Variants in TACC2 observed in about 807,000 individuals in gnomAD.
The protein encoded by TACC2 is transforming acidic coiled-coil containing protein 2.
TACC2 carries 137 observed loss-of-function variants against 227.3 expected under a neutral mutation model. That is an observed-to-expected ratio of 0.60 (90% CI 0.52 to 0.69). TACC2 has a LOEUF of 0.69. Ranked by LOEUF, TACC2 falls within the 30% of genes least tolerant of loss-of-function variation. The pLI is 0.00. For synonymous variants in TACC2, 1,523 were observed against 1,487.5 expected (o/e 1.02, Z -0.55); for missense variants, 3,470 against 3,694.4 (o/e 0.94, Z 1.57).
chr10:122,162,615 C>G (rs2092888238), intron 7 of TACC2, among the ~76,000 whole-genome samples: 1 of 152,228 alleles, frequency 6.6e-6, no homozygotes, highest in African/African-American at 2.4e-5. Flanking sequence ...TGAACTCTTT[C>G]TGCAGCAGCC....
intron 11 of TACC2, among the ~76,000 whole-genome samples, chr10:122,221,612 G>A (rs1165926795): frequency 6.6e-6 from 1 of 152,112 alleles, no homozygotes; most frequent in African/African-American, 2.4e-5. Context: ...CAGCCTCCCT[G>A]TCTCTTTCCC....
chr10:122,113,827 GCGT>G lies in TACC2; in HGVS notation c.5574-18780_5574-18778del, dbSNP rs2084115370. On this transcript the variant is annotated intron_variant, in intron 5 of 22. Transcript: ENST00000369005. ...CCGGCGCAACACGTGACCCGCCCGA[GCGT>G]CCCCTCCGCGTCCTTGGCTCCCGCC... Among the ~76,000 whole-genome samples the G allele has an allele frequency of 2.8e-4, 42 of 152,368 alleles. No homozygotes were observed. In the South Asian group the frequency reaches 8.7e-3, roughly 32 times the overall value.
chr10:122,039,657 C>A (rs993473946), intron 2 of TACC2, among the ~76,000 whole-genome samples: 1 of 152,148 alleles, frequency 6.6e-6, no homozygotes, highest in East Asian at 1.9e-4. Flanking sequence ...CAGTTTATTT[C>A]GACAGTATTT....
chr10:122,109,899 A>G (rs1279286250), intron 5 of TACC2, among the ~76,000 whole-genome samples: 1 of 152,192 alleles, frequency 6.6e-6, no homozygotes, highest in African/African-American at 2.4e-5. Flanking sequence ...GGGTTTCAGC[A>G]TAAGTTCTCT....
intron 5 of TACC2, among the ~76,000 whole-genome samples, chr10:122,102,258 T>C (rs903847958): frequency 4.6e-5 from 7 of 152,102 alleles, no homozygotes; most frequent in African/African-American, 1.7e-4. Context: ...GATATGCGGG[T>C]GTAGCCTGGG....
chr10:122,215,347 C>A (rs768362961), intron 9 of TACC2, 44 bp from the exon 10 acceptor site: 4 of 1,569,212 alleles, frequency 2.5e-6, no homozygotes, highest in Non-Finnish European at 3.5e-6. Flanking sequence ...TGGAGTGTTC[C>A]GTCCCTCTGC....
chr10:122,108,551 T>C (rs1481651286), intron 5 of TACC2, among the ~76,000 whole-genome samples: 1 of 149,560 alleles, frequency 6.7e-6, no homozygotes, highest in African/African-American at 2.5e-5. Context: ...GTTCAAGTGA[T>C]TCTCCTACCT....
At chr10:122,058,494 C>T (rs1397538437) in intron 3 of TACC2, among the ~76,000 whole-genome samples, 6 of 152,146 alleles carry the variant, frequency 3.9e-5, no homozygotes. Context: ...CTGCAACCTC[C>T]ACCTCCCGGG....
intron 7 of TACC2, among the ~76,000 whole-genome samples, chr10:122,174,287 C>A (rs752964033): frequency 2.0e-5 from 3 of 152,216 alleles, no homozygotes; most frequent in Non-Finnish European, 4.4e-5. Flanking sequence ...AGCCAGCGAT[C>A]TCTGCTGTTA....
At chr10:122,163,959 C>T (rs765158678) in intron 7 of TACC2, 1 of 1,589,364 alleles carries the variant, frequency 6.3e-7, no homozygotes, top group South Asian at 1.2e-5. Context: ...CCAGCCCCAG[C>T]CAGCGACCTG....
intron 5 of TACC2, among the ~76,000 whole-genome samples, chr10:122,118,049 T>A (rs1369195855): frequency 6.6e-6 from 1 of 150,936 alleles, no homozygotes; most frequent in Non-Finnish European, 1.5e-5. Flanking sequence ...AGTCTTACTC[T>A]GTTGTCCGGG....
intron 18 of TACC2, among the ~76,000 whole-genome samples, chr10:122,239,435 C>G (rs531103786): frequency 6.6e-6 from 1 of 152,222 alleles, no homozygotes; most frequent in Admixed American, 6.5e-5. Flanking sequence ...TTCTCCTGTT[C>G]GTTCCTTCTT....
intron 5 of TACC2, among the ~76,000 whole-genome samples, chr10:122,093,254 G>A (rs1265654830): frequency 1.3e-5 from 2 of 152,146 alleles, no homozygotes; most frequent in Non-Finnish European, 2.9e-5. Flanking sequence ...GAGGGAGGGA[G>A]GACAGAGAGG....
chr10:122,145,663 T>C (rs1188994238), intron 7 of TACC2, among the ~76,000 whole-genome samples: 1 of 152,194 alleles, frequency 6.6e-6, no homozygotes, highest in Non-Finnish European at 1.5e-5. Context: ...AAAGAACTTA[T>C]CCAAGGGCTA....
intron 16 of TACC2, among the ~76,000 whole-genome samples, chr10:122,234,692 A>G (rs1021706599): frequency 5.3e-5 from 8 of 152,220 alleles, no homozygotes; most frequent in Non-Finnish European, 7.3e-5. Flanking sequence ...GGTAGTGTCC[A>G]TTTGAATTTT....
intron 10 of TACC2, among the ~76,000 whole-genome samples, chr10:122,215,949 T>TTCTACCC (rs1045845806): frequency 2.6e-5 from 4 of 152,210 alleles, no homozygotes; most frequent in Admixed American, 6.5e-5. Context: ...ATTCCATTTC[T>TTCTACCC]TCTACCCTGT....
chr10:122,171,653 C>T (rs926089993), intron 7 of TACC2, among the ~76,000 whole-genome samples: 1 of 152,216 alleles, frequency 6.6e-6, no homozygotes, highest in African/African-American at 2.4e-5. Flanking sequence ...GTCAGGTAGT[C>T]ATTTTAATCT....
At chr10:122,176,073 T>TTCTC (rs55655832) in intron 7 of TACC2, among the ~76,000 whole-genome samples, 1,226 of 92,464 alleles carry the variant, frequency 0.013, 9 homozygotes, top group Middle Eastern at 0.028. Flanking sequence ...GAGCAAAACC[T>TTCTC]TCTCTCTCTC....
At chr10:122,253,544 C>T (rs1203803618) in intron 22 of TACC2, among the ~76,000 whole-genome samples, 1 of 152,092 alleles carries the variant, frequency 6.6e-6, no homozygotes, top group African/African-American at 2.4e-5. Flanking sequence ...TGCCAGTGAT[C>T]CCATTCACGT....
Sources: gnomAD v4.1 joint callset for allele counts (sites outside exome capture counted in the v4.1 genomes callset) on GRCh38, gnomAD v4.1.1 for gene constraint, MANE v1.5 for transcripts, NCBI Gene and HGNC (gene_info 2026-07-23, HGNC 2026-07-21) for gene names.